Variants in SYCP2 observed in about 807,000 individuals in gnomAD.
The protein encoded by SYCP2 is synaptonemal complex lateral element protein.
SYCP2 carries 55 observed loss-of-function variants against 211.3 expected under a neutral mutation model. The observed-to-expected ratio is 0.26, with a 90% CI of 0.21 to 0.33. The LOEUF (loss-of-function observed/expected upper bound fraction) is 0.33. Ranked by LOEUF, SYCP2 falls within the 10% of genes least tolerant of loss-of-function variation. The pLI is 1.00. For synonymous variants in SYCP2, 570 were observed against 555.2 expected (o/e 1.03, Z -0.37); for missense variants, 1,731 against 1,752.0 (o/e 0.99, Z 0.21).
chr20:59,879,390 T>C (rs1056474850), intron 31 of SYCP2, among the ~76,000 whole-genome samples: 1 of 152,006 alleles, frequency 6.6e-6, no homozygotes, highest in Non-Finnish European at 1.5e-5. Context: ...TCTAAACACA[T>C]GCCAAAATTC....
intron 36 of SYCP2, 110 bp downstream of exon 36, chr20:59,869,688 C>T (rs957646392): frequency 1.4e-5 from 8 of 576,608 alleles, no homozygotes; most frequent in Admixed American, 3.2e-5. Flanking sequence ...CAGGTAATAA[C>T]AGTTGAAAAG....
rs531370014 is a variant in SYCP2 at position 59,919,312 on chromosome 20, TTAAC to T, written c.403-134_403-131del. 9.9e-4 allele frequency: 659 copies of T among 667,518 alleles called. 1 individual carries two copies. Among genetic ancestry groups the T allele is most frequent in the Non-Finnish European group, 1.5e-3 (568 of 389,926 alleles). The allele number at this position is 667,518 out of a possible 1,614,324, so 41.3% of individuals were successfully genotyped here. A position where few individuals can be genotyped will look rare whatever the true frequency, so the allele number is the denominator to read the frequency against. On this transcript the variant is annotated intron_variant, in intron 6 of 44. Coordinates refer to ENST00000357552, the MANE Select transcript of SYCP2 (RefSeq NM_014258.4). The stretch of plus-strand genomic sequence containing the variant: ...TAACTCAGAGCATAATTACTTTTTA[TTAAC>T]TAACCATTTAATTATATTTACCAGA...
intron 26 of SYCP2, among the ~76,000 whole-genome samples, chr20:59,882,795 G>T (rs1190416556): frequency 6.6e-6 from 1 of 151,910 alleles, no homozygotes; most frequent in South Asian, 2.1e-4. Context: ...AAGGAGTAGG[G>T]GGGGAACTAA....
rs558094075 is a variant in SYCP2 at position 59,895,444 on chromosome 20, A to G, written c.1658T>C (p.Ile553Thr). 17 of 1,601,862 alleles carry G rather than the reference A, an allele frequency of 1.1e-5. No homozygotes were observed. The highest frequency in any genetic ancestry group is 4.0e-5 in the African/African-American group (3 of 74,196). ...SSEGRHRRDN[I>T]DKHIKTAKCV... ...CTTTCAAGGTAAAGTTACTTTGTCT[A>G]TATTATCTCTTCTATGTCTTCCTTC... The change falls in exon 20 of 45, where the codon ATA becomes ACA. Residue 553 changes from isoleucine (I) to threonine (T), a missense_variant. By Grantham distance (89) the Ile-to-Thr change is moderately conservative. This residue lies in a region of SYCP2 where 1,387 missense variants were observed against 1,351.3 expected (regional missense o/e 1.03). Transcript: ENST00000357552.
intron 2 of SYCP2, among the ~76,000 whole-genome samples, chr20:59,925,222 G>T (rs976530058): frequency 6.6e-6 from 1 of 151,990 alleles, no homozygotes; most frequent in African/African-American, 2.4e-5. Context: ...TGGTGGGGCA[G>T]CAGGAGGGAG....
chr20:59,870,581 A>G (rs2145609786), intron 35 of SYCP2, among the ~76,000 whole-genome samples: 1 of 152,028 alleles, frequency 6.6e-6, no homozygotes, highest in African/African-American at 2.4e-5. Flanking sequence ...AATCATGTGT[A>G]GATAAGAAAG....
Position 59,929,454 on chromosome 20 carries a change from G to A in SYCP2, c.-47+2608C>T, listed in dbSNP as rs2060693184. ...CAAAGGGAATATAAAAATATTTACT[G>A]AAGCATTTCTTCTAATATCAAGAAA... On this transcript the variant is annotated intron_variant, in intron 2 of 44. Transcript: ENST00000357552. Among the ~76,000 whole-genome samples, 3 of 152,148 alleles carry A rather than the reference G, an allele frequency of 2.0e-5. No homozygotes were observed. The South Asian group carries it at 6.2e-4, about 32-fold the overall frequency.
chr20:59,894,132 T>C (rs931902899), intron 20 of SYCP2, among the ~76,000 whole-genome samples: 1 of 152,046 alleles, frequency 6.6e-6, no homozygotes, highest in African/African-American at 2.4e-5. Flanking sequence ...TTAATCCAGA[T>C]CAAATACAAA....
chr20:59,920,198 T>A (rs1436276362), intron 5 of SYCP2, among the ~76,000 whole-genome samples, 161 bp downstream of exon 5: 1 of 151,776 alleles, frequency 6.6e-6, no homozygotes, highest in East Asian at 1.9e-4. Flanking sequence ...TTGTGATCTT[T>A]ATATTTGTAA....
intron 24 of SYCP2, among the ~76,000 whole-genome samples, chr20:59,888,126 G>C (rs570995710): frequency 6.6e-6 from 1 of 151,730 alleles, no homozygotes; most frequent in African/African-American, 2.4e-5. Flanking sequence ...CTACAAGATA[G>C]AAGAGTAGGA....
At chr20:59,922,255 T>C in intron 3 of SYCP2, 135 bp downstream of exon 3, 1 of 737,818 alleles carries the variant, frequency 1.4e-6, no homozygotes, top group Non-Finnish European at 2.1e-6. Flanking sequence ...GGACACTTTA[T>C]TTAAACTATT....
chr20:59,881,030 C>A lies in SYCP2; in HGVS notation c.2715-7G>T. On this transcript the variant is annotated splice_region_variant and splice_polypyrimidine_tract_variant and intron_variant, in intron 29 of 44. Transcript: ENST00000357552. ...ATGATTCCTTGGACCTACCCTTAAACAAAAATATGTATTAATTAAAAAATA... is the reference window on the plus strand; with the variant it reads ...ATGATTCCTTGGACCTACCCTTAAAAAAAAATATGTATTAATTAAAAAATA... 1.4e-6 allele frequency: 2 copies of A among 1,452,898 alleles called. No individual in the cohort carries two copies. The highest frequency in any genetic ancestry group is 1.9e-5 in the Admixed American group (1 of 53,154). The allele number at this position is 1,452,898 out of a possible 1,614,324, so 90.0% of individuals were successfully genotyped here.
At chr20:59,895,734 T>C (rs2059995755) in intron 19 of SYCP2, 137 bp from the exon 20 acceptor site, 2 of 963,672 alleles carry the variant, frequency 2.1e-6, no homozygotes, top group Middle Eastern at 2.7e-4. Context: ...ATTAAGTGAA[T>C]ATAGATGCCA....
At chr20:59,867,549 G>A (rs948702186) in intron 39 of SYCP2, among the ~76,000 whole-genome samples, 162 bp downstream of exon 39, 3 of 151,572 alleles carry the variant, frequency 2.0e-5, no homozygotes, top group African/African-American at 7.3e-5. Flanking sequence ...GAAAGAATAC[G>A]GGTAATATAC....
At chr20:59,932,474 G>T (rs2060772835) in intron 1 of SYCP2, among the ~76,000 whole-genome samples, 1 of 152,056 alleles carries the variant, frequency 6.6e-6, no homozygotes, top group African/African-American at 2.4e-5. Context: ...TCAGGAGTTC[G>T]AGACCAGCCG....
chr20:59,902,450 G>A (rs1361024914), intron 15 of SYCP2, among the ~76,000 whole-genome samples: 2 of 152,048 alleles, frequency 1.3e-5, no homozygotes, highest in Admixed American at 6.6e-5. Flanking sequence ...ATAGACCAGA[G>A]GCCACCATGC....
At position 59,892,107 on chromosome 20, in the gene SYCP2, C is replaced by T; in HGVS notation, c.2247G>A (p.Val749=). Reference sequence around the variant, plus strand: ...GATTTTTATCGCAAGTAGCAGTATTCACATCTTTTGACAATATGTATTTCT... The same window carrying T: ...GATTTTTATCGCAAGTAGCAGTATTTACATCTTTTGACAATATGTATTTCT... ...YRKKYILSKD[V]NTATCDKNPS... The change falls in exon 24 of 45, where the codon GTG becomes GTA. Residue 749 remains valine, a synonymous_variant. Transcript: ENST00000357552. The T allele has an allele frequency of 1.9e-6, 3 of 1,612,070 alleles. No homozygotes were observed. Among genetic ancestry groups the T allele is most frequent in the Non-Finnish European group, 2.5e-6 (3 of 1,178,902 alleles).
chr20:59,885,739 T>G (rs2145699482), intron 26 of SYCP2, among the ~76,000 whole-genome samples, 189 bp downstream of exon 26: 1 of 152,286 alleles, frequency 6.6e-6, no homozygotes, highest in Non-Finnish European at 1.5e-5. Flanking sequence ...AAGCTTTTTA[T>G]TTGAAAAACA....
At chr20:59,915,275 G>C (rs2060415615) in intron 9 of SYCP2, 76 bp from the exon 10 acceptor site, 1 of 1,216,036 alleles carries the variant, frequency 8.2e-7, no homozygotes, top group Admixed American at 2.2e-5. Context: ...AGGAGGAAAA[G>C]AAACTTCACA....
Sources: allele counts gnomAD v4.1 joint callset (sites outside exome capture counted in the v4.1 genomes callset), GRCh38; gene constraint gnomAD v4.1.1; regional missense constraint gnomAD v4.1.1; transcripts MANE v1.5; gene names NCBI Gene and HGNC (gene_info 2026-07-23, HGNC 2026-07-21).